The following KCNN1 variants were observed in gnomAD, a reference collection of about 807,000 sequenced individuals.
KCNN1 encodes potassium calcium-activated channel subfamily N member 1, also known as small conductance calcium-activated potassium channel protein 1.
In KCNN1, 20 loss-of-function variants were observed where a neutral mutation model predicts 44.7. The ratio of observed to expected loss-of-function variants is 0.45; its 90% confidence interval spans 0.32 to 0.65. The LOEUF (loss-of-function observed/expected upper bound fraction) is 0.65, where lower values mean the gene tolerates loss of function less well. KCNN1 is among the 30% of genes least tolerant of loss of function. The pLI is 0.05. For synonymous variants in KCNN1, 324 were observed against 341.7 expected (o/e 0.95, Z 0.57); for missense variants, 632 against 785.3 (o/e 0.80, Z 2.33).
rs1242441558 is a variant in KCNN1, at chr19:17,998,347, C to G, written c.1573C>G (p.Gln525Glu). ...PPRPGPGPQDQAARSSPCRWT... is the reference protein window; with the variant it reads ...PPRPGPGPQDEAARSSPCRWT... ...CAGGCCCGGCCCCGGCCCCCAAGAC[C>G]AGGCAGCCCGGAGCTCCCCCTGCCG... Residue 525 changes from glutamine to glutamate, a missense_variant, in exon 10 of 10, where the codon CAG becomes GAG. Coordinates refer to ENST00000684775, the MANE Select transcript of KCNN1 (RefSeq NM_001386974.1). This position sits in a 1 kb window ranked among gnomAD's most constrained non-coding sequence, Gnocchi z 5.4. The G allele has an allele frequency of 6.6e-7, 1 of 1,524,868 alleles. No individual in the cohort carries two copies. The highest frequency in any genetic ancestry group is 8.8e-7 in the Non-Finnish European group (1 of 1,140,920). The allele number at this position is 1,524,868 out of a possible 1,614,324, so 94.5% of individuals were successfully genotyped here.
At chr19:17,985,109 C>T (rs2032550905) in intron 4 of KCNN1, among the ~76,000 whole-genome samples, 1 of 152,138 alleles carries the variant, frequency 6.6e-6, no homozygotes, top group Non-Finnish European at 1.5e-5. Flanking sequence ...TCCAGGGAAG[C>T]AGCTTGGGGG....
At chr19:17,982,169 C>T (rs764711658) in intron 4 of KCNN1, 42 bp downstream of exon 4, 7 of 1,438,278 alleles carry the variant, frequency 4.9e-6, no homozygotes, top group African/African-American at 1.4e-5. Flanking sequence ...CCCCAGCCCC[C>T]GTCTCCCTGG....
At chr19:17,959,458 A>G (rs1245031477) in intron 2 of KCNN1, among the ~76,000 whole-genome samples, 2 of 151,712 alleles carry the variant, frequency 1.3e-5, no homozygotes, top group African/African-American at 4.8e-5. Context: ...GGGTTTCACC[A>G]TGTTGGCCAG....
intron 3 of KCNN1, among the ~76,000 whole-genome samples, chr19:17,980,327 GTCC>G (rs2032362679): frequency 7.2e-6 from 1 of 139,460 alleles, no homozygotes; most frequent in South Asian, 2.3e-4. Context: ...GCCTCAAGCA[GTCC>G]TCCTGCCTCC....
At chr19:17,969,857 A>G (rs1448947203) in intron 1 of KCNN1, among the ~76,000 whole-genome samples, 1 of 152,192 alleles carries the variant, frequency 6.6e-6, no homozygotes, top group Non-Finnish European at 1.5e-5. Context: ...GGAGGAGGGC[A>G]GGATCTGGGG....
Position 17,993,202 on chromosome 19 carries a change from G to A in KCNN1, c.1307+140G>A. On this transcript the variant is annotated intron_variant, in intron 8 of 9. Transcript: ENST00000684775. This position sits in a 1 kb window ranked among gnomAD's most constrained non-coding sequence, Gnocchi z 4.5. ...ACATCTGCCCCATGGATCCGTGCAG[G>A]CTTCACCTTGGTCTGGGATCCAACT... is the stretch of plus-strand genomic sequence containing the variant. 9.4e-7 allele frequency: 1 copy of A among 1,062,598 alleles called. No individual in the cohort carries two copies. The allele number at this position is 1,062,598 out of a possible 1,614,324, so 65.8% of individuals were successfully genotyped here.
chr19:17,996,593 C>G (rs927625055), intron 9 of KCNN1, among the ~76,000 whole-genome samples: 1 of 152,082 alleles, frequency 6.6e-6, no homozygotes, highest in Non-Finnish European at 1.5e-5. Flanking sequence ...ACAACAAGAG[C>G]GAGACTTCGT....
intron 9 of KCNN1, among the ~76,000 whole-genome samples, chr19:17,996,071 T>C (rs1483314954): frequency 2.0e-5 from 3 of 150,710 alleles, no homozygotes. Flanking sequence ...GGCTCATGCC[T>C]GTAATCCTAG....
intron 1 of KCNN1, among the ~76,000 whole-genome samples, chr19:17,971,153 G>A (rs1274247523): frequency 6.6e-6 from 1 of 152,106 alleles, no homozygotes; most frequent in Non-Finnish European, 1.5e-5. Context: ...CAAAGTGCTG[G>A]GATTACAGGC....
In KCNN1 at chr19:17,981,930, G is replaced by A; in HGVS notation, c.720G>A (p.Leu240=). The A allele has an allele frequency of 6.2e-7, 1 of 1,612,838 alleles. No individual in the cohort carries two copies. The highest frequency in any genetic ancestry group is 8.5e-7 in the Non-Finnish European group (1 of 1,179,468). ...TCCCCATGTTCCTGCGCCTCTACCT[G>A]CTGGGCCGGGTGATGCTACTGCACA... ...LSIPMFLRLY[L]LGRVMLLHSK... is the part of the protein sequence containing the mutation. The change falls in exon 4 of 10, where the codon CTG becomes CTA. Residue 240 remains leucine (L), a synonymous_variant. Coordinates refer to ENST00000684775, the MANE Select transcript of KCNN1 (RefSeq NM_001386974.1).
chr19:17,953,844 C>T (rs1445583807), intron 1 of KCNN1, among the ~76,000 whole-genome samples: 3 of 152,138 alleles, frequency 2.0e-5, no homozygotes, highest in Non-Finnish European at 4.4e-5. Context: ...GTGGGAGGAT[C>T]GCTTGAGCCC....
At chr19:17,972,489 C>G (rs1244436111) in intron 1 of KCNN1, among the ~76,000 whole-genome samples, 1 of 152,212 alleles carries the variant, frequency 6.6e-6, no homozygotes, top group Non-Finnish European at 1.5e-5. Context: ...TCTTACAAAG[C>G]CCTGCAGAAT....
At chr19:17,985,948 G>A (rs2032580122) in intron 5 of KCNN1, among the ~76,000 whole-genome samples, 1 of 152,204 alleles carries the variant, frequency 6.6e-6, no homozygotes, top group Non-Finnish European at 1.5e-5. Flanking sequence ...ACCTGCTGGG[G>A]GCCGGGCGTG....
chr19:17,975,131 C>T lies in KCNN1; in HGVS notation c.442C>T (p.Leu148Phe), dbSNP rs1417059386. ...ATTCGCACTCAAATGCCTCATCAGC[C>T]TCTCCACGGCCATCCTGCTGGGTCT... is the stretch of plus-strand genomic sequence containing the variant. ...YSFALKCLIS[L>F]STAILLGLVV... The change falls in exon 3 of 10, where the codon CTC (leucine) becomes TTC (phenylalanine). Residue 148 changes from leucine (L) to phenylalanine (F), a missense_variant. Leu to Phe is a conservative substitution (Grantham distance 22, BLOSUM62 0). Around this residue, in one of 3 missense-constraint regions of KCNN1, gnomAD observed 235 missense variants for 224.0 expected, o/e 1.05. Transcript: ENST00000684775. 1 of 1,613,786 alleles carries T rather than the reference C, an allele frequency of 6.2e-7. No individual in the cohort carries two copies. The highest frequency in any genetic ancestry group is 8.5e-7 in the Non-Finnish European group (1 of 1,179,796).
intron 3 of KCNN1, among the ~76,000 whole-genome samples, chr19:17,980,971 C>T (rs2032384204): frequency 6.6e-6 from 1 of 152,104 alleles, no homozygotes; most frequent in Admixed American, 6.6e-5. Context: ...AATCCCAGCA[C>T]TTTGGGAGGC....
In KCNN1 at chr19:17,975,122, C is replaced by A. The variant is rs761953693; in HGVS notation, c.433C>A (p.Leu145Ile). ...ESLYSFALKC[L>I]ISLSTAILLG... ...TCTGTACTCATTCGCACTCAAATGC[C>A]TCATCAGCCTCTCCACGGCCATCCT... is the stretch of plus-strand genomic sequence containing the variant. Residue 145 changes from leucine to isoleucine, a missense_variant, in exon 3 of 10, where the codon CTC becomes ATC. By Grantham distance (5) the Leu-to-Ile change is conservative (BLOSUM62 2). Coordinates refer to ENST00000684775, the MANE Select transcript of KCNN1 (RefSeq NM_001386974.1). 1.2e-6 allele frequency: 2 copies of A among 1,613,772 alleles called. No individual in the cohort carries two copies. The highest frequency in any genetic ancestry group is 1.7e-6 in the Non-Finnish European group (2 of 1,179,796).
Position 17,993,644 on chromosome 19 carries a change from G to A in KCNN1, c.1377+85G>A. 1 of 1,134,682 alleles carries A rather than the reference G, an allele frequency of 8.8e-7. No homozygotes were observed. The highest frequency in any genetic ancestry group is 1.3e-6 in the Non-Finnish European group (1 of 750,168). The allele number at this position is 1,134,682 out of a possible 1,614,324, so 70.3% of individuals were successfully genotyped here. Reference sequence around the variant, plus strand: ...ATGGGGCTCAGCTCCTGCCGGAGGAGGGCACAAGGACCCGCTGTGGGCTGA... The same window carrying A: ...ATGGGGCTCAGCTCCTGCCGGAGGAAGGCACAAGGACCCGCTGTGGGCTGA... On this transcript the variant is annotated intron_variant, in intron 9 of 9. Transcript: ENST00000684775. This position sits in a 1 kb window ranked among gnomAD's most constrained non-coding sequence, Gnocchi z 4.5.
chr19:17,992,910 C>T, intron 7 of KCNN1, 144 bp from the exon 8 acceptor site: 1 of 991,650 alleles, frequency 1.0e-6, no homozygotes, highest in Non-Finnish European at 1.5e-6. Flanking sequence ...AGAGCAACGG[C>T]AGCCCCTCGG....
At chr19:17,970,897 T>C (rs2031996582) in intron 1 of KCNN1, among the ~76,000 whole-genome samples, 1 of 151,690 alleles carries the variant, frequency 6.6e-6, no homozygotes, top group Non-Finnish European at 1.5e-5. Context: ...TTTTTTTTTT[T>C]TTTTGAGACA....
Sources: allele counts gnomAD v4.1 joint callset (sites outside exome capture counted in the v4.1 genomes callset), GRCh38; gene constraint gnomAD v4.1.1; regional missense constraint gnomAD v4.1.1; non-coding constraint Gnocchi (gnomAD v3.1); transcripts MANE v1.5; gene names NCBI Gene and HGNC (gene_info 2026-07-23, HGNC 2026-07-21).